The following MYH9 variants were observed in gnomAD, a reference collection of about 807,000 sequenced individuals.
The protein encoded by MYH9 is myosin heavy chain 9.
A neutral mutation model predicts 241.9 loss-of-function variants in MYH9; 29 were observed. The observed-to-expected ratio is 0.12, with a 90% CI of 0.09 to 0.16. The LOEUF (loss-of-function observed/expected upper bound fraction) is 0.16. MYH9 is among the 10% of genes least tolerant of loss of function. MYH9 has a pLI of 1.00. For missense variants in MYH9, 1,803 were observed against 2,595.5 expected (o/e 0.69, Z 6.63); for synonymous variants, 1,047 against 1,062.6 (o/e 0.99, Z 0.29).
chr22:36,350,512 G>A (rs1309327376), intron 1 of MYH9, among the ~76,000 whole-genome samples: 1 of 152,196 alleles, frequency 6.6e-6, no homozygotes, highest in Non-Finnish European at 1.5e-5. Context: ...ACTCCAGCCT[G>A]GGCAACAAGA....
chr22:36,351,930 C>A (rs745507348), intron 1 of MYH9, among the ~76,000 whole-genome samples: 29 of 152,134 alleles, frequency 1.9e-4, no homozygotes, highest in Non-Finnish European at 4.0e-4. Context: ...CCCAGCACCA[C>A]GCTCAGTTTA....
At chr22:36,377,736 C>T (rs2018192909) in intron 1 of MYH9, among the ~76,000 whole-genome samples, 1 of 151,516 alleles carries the variant, frequency 6.6e-6, no homozygotes, top group Admixed American at 6.6e-5. Context: ...GGTGAAACCC[C>T]GTCTCTACCA....
intron 1 of MYH9, among the ~76,000 whole-genome samples, chr22:36,386,099 G>T (rs1419750449): frequency 6.6e-6 from 1 of 152,124 alleles, no homozygotes; most frequent in Non-Finnish European, 1.5e-5. Context: ...GCAGGGCCCC[G>T]GGGATTTCAC....
chr22:36,366,594 C>T (rs991997758), intron 1 of MYH9, among the ~76,000 whole-genome samples: 22 of 152,060 alleles, frequency 1.4e-4, no homozygotes, highest in African/African-American at 4.8e-4. Context: ...CAGGGTTTCC[C>T]GGGAACATCC....
intron 3 of MYH9, among the ~76,000 whole-genome samples, chr22:36,333,030 G>A (rs2017448013): frequency 6.6e-6 from 1 of 152,162 alleles, no homozygotes; most frequent in South Asian, 2.1e-4. Context: ...GAAAGACAAA[G>A]CAGGAGGGGC....
chr22:36,321,659 A>C, intron 7 of MYH9, 99 bp downstream of exon 7: 1 of 1,163,074 alleles, frequency 8.6e-7, no homozygotes, highest in Non-Finnish European at 1.3e-6. Context: ...TGGGCCCATA[A>C]AGGGGAAAGT....
At position 36,314,310 on chromosome 22, in the gene MYH9, C is replaced by T. The variant is rs757449139; in HGVS notation, c.1389G>A (p.Ser463=). The part of the protein sequence containing the change: ...IAGFEIFDLN[S]FEQLCINYTN... ...TGTAATTGATGCACAGCTGCTCAAA[C>T]GAGTTCAGCTGCAAGGAGAGAAAAC... Residue 463 remains serine (S), a synonymous_variant, in exon 13 of 41, where the codon TCG becomes TCA. Transcript: ENST00000216181. The T allele has an allele frequency of 4.3e-5, 70 of 1,614,062 alleles. 1 individual carries two copies. In the South Asian group the frequency reaches 6.9e-4, roughly 16 times the overall value.
In MYH9 at chr22:36,306,386, C is replaced by T; in HGVS notation, c.2037+28G>A. 2 of 1,613,352 alleles carry T rather than the reference C, an allele frequency of 1.2e-6. No homozygotes were observed. Among genetic ancestry groups the T allele is most frequent in the Non-Finnish European group, 1.7e-6 (2 of 1,179,788 alleles). On this transcript the variant is annotated intron_variant, in intron 16 of 40. Transcript: ENST00000216181. This position sits in a 1 kb window ranked among gnomAD's most constrained non-coding sequence, Gnocchi z 4.1. ...GAGCACCCCACACCACAGTGCCCTG[C>T]CCGGGCCACCCCACCAGGCAGCCGC...
chr22:36,300,282 C>A lies in MYH9; in HGVS notation c.2839-18G>T. 1 of 1,611,738 alleles carries A rather than the reference C, an allele frequency of 6.2e-7. No individual in the cohort carries two copies. ...TCAAGCTCCTGCCGGGGGCCAGAGA[C>A]ACGGTAAGGACAGCAGGCCCAGAGG... is the stretch of plus-strand genomic sequence containing the variant. On this transcript the variant is annotated intron_variant, in intron 22 of 40. Transcript: ENST00000216181. This position sits in a 1 kb window ranked among gnomAD's most constrained non-coding sequence, Gnocchi z 5.0.
At chr22:36,282,876 G>A in intron 40 of MYH9, 91 bp from the exon 41 acceptor site, 1 of 1,182,684 alleles carries the variant, frequency 8.5e-7, no homozygotes, top group Non-Finnish European at 1.2e-6. Context: ...GTGAATTCGA[G>A]AGGGAAACCA....
chr22:36,316,963 G>GGCA (rs2017162629), intron 11 of MYH9, among the ~76,000 whole-genome samples: 1 of 151,842 alleles, frequency 6.6e-6, no homozygotes, highest in African/African-American at 2.4e-5. Flanking sequence ...TTCAAAATAA[G>GGCA]GCAGTGGTCT....
At chr22:36,316,397 G>T in intron 12 of MYH9, 120 bp downstream of exon 12, 1 of 1,454,884 alleles carries the variant, frequency 6.9e-7, no homozygotes, top group Non-Finnish European at 9.6e-7. Flanking sequence ...AAGTCTTCAT[G>T]CAAAGGAGAT....
chr22:36,300,027 G>T lies in MYH9; in HGVS notation c.2976+100C>A. ...CCTCATGCTGCAGGCAGAAGAGACA[G>T]GAAGCAGCAGCAGCGGGGAGCCAGG... On this transcript the variant is annotated intron_variant, in intron 23 of 40. Coordinates refer to ENST00000216181, the MANE Select transcript of MYH9 (RefSeq NM_002473.6). The surrounding 1 kb of genome is among the most constrained non-coding windows in gnomAD (Gnocchi z 5.0). 6.6e-7 allele frequency: 1 copy of T among 1,520,618 alleles called. No homozygotes were observed. The allele number at this position is 1,520,618 out of a possible 1,614,324, so 94.2% of individuals were successfully genotyped here. A position where few individuals can be genotyped will look rare whatever the true frequency, so the allele number is the denominator to read the frequency against.
At chr22:36,289,034 T>A in intron 32 of MYH9, 51 bp downstream of exon 32, 4 of 1,613,408 alleles carry the variant, frequency 2.5e-6, no homozygotes, top group Non-Finnish European at 3.4e-6. Context: ...CCCTCTGTGA[T>A]GACCCCACTC....
chr22:36,361,120 C>G (rs2017930160), intron 1 of MYH9, among the ~76,000 whole-genome samples: 4 of 152,240 alleles, frequency 2.6e-5, no homozygotes, highest in African/African-American at 9.6e-5. Flanking sequence ...GGGCTCCTCC[C>G]AGCTGCCAGT....
intron 35 of MYH9, among the ~76,000 whole-genome samples, chr22:36,286,379 A>G (rs1301756767): frequency 6.6e-6 from 1 of 152,150 alleles, no homozygotes; most frequent in Admixed American, 6.5e-5. Context: ...CAGACCTGGG[A>G]AACACTTCAG....
chr22:36,305,201 A>T lies in MYH9; in HGVS notation c.2160-99T>A, dbSNP rs1042990271. ...ATTAACATCATTTCTACAATGCAACAGACACAGAATTCTTTACACAAACTC... is the reference window on the plus strand; with the variant it reads ...ATTAACATCATTTCTACAATGCAACTGACACAGAATTCTTTACACAAACTC... On this transcript the variant is annotated intron_variant, in intron 17 of 40. Transcript: ENST00000216181. This position sits in a 1 kb window ranked among gnomAD's most constrained non-coding sequence, Gnocchi z 4.7. 1.4e-5 allele frequency: 15 copies of T among 1,067,654 alleles called. No individual in the cohort carries two copies. The highest frequency in any genetic ancestry group is 1.9e-5 in the Non-Finnish European group (13 of 694,970). 66.1% of individuals were successfully genotyped at this position (1,067,654 alleles called of 1,614,324 possible).
At position 36,282,310 on chromosome 22, in the gene MYH9, AG is replaced by A; in HGVS notation, c.*357del. The A allele has an allele frequency of 2.3e-6, 1 of 430,798 alleles. No homozygotes were observed. The highest frequency in any genetic ancestry group is 2.0e-5 in the African/African-American group (1 of 51,198). 26.7% of individuals were successfully genotyped at this position (430,798 alleles called of 1,614,324 possible). On this transcript the variant is annotated 3_prime_UTR_variant, in exon 41 of 41. Transcript: ENST00000216181. ...AAAAGGCCTCAGTCTGAAGAAAAAT[AG>A]ATTCATAGAAAACTCTGGCCCCTCC... is the stretch of plus-strand genomic sequence containing the variant.
At chr22:36,380,966 G>T (rs959864073) in intron 1 of MYH9, among the ~76,000 whole-genome samples, 1 of 152,054 alleles carries the variant, frequency 6.6e-6, no homozygotes, top group Admixed American at 6.6e-5. Context: ...CCATTTCCCA[G>T]AATATGAGGA....
Sources: allele counts gnomAD v4.1 joint callset (sites outside exome capture counted in the v4.1 genomes callset), GRCh38; gene constraint gnomAD v4.1.1; non-coding constraint Gnocchi (gnomAD v3.1); transcripts MANE v1.5; gene names NCBI Gene and HGNC (gene_info 2026-07-23, HGNC 2026-07-21).